HMG20A: variants seen among roughly 807,000 people sequenced by gnomAD.
HMG20A encodes the protein high mobility group protein 20A.
A neutral mutation model predicts 43.9 loss-of-function variants in HMG20A; 17 were observed. The observed-to-expected ratio is 0.39, with a 90% CI of 0.27 to 0.58. The LOEUF (loss-of-function observed/expected upper bound fraction) is 0.58. Among genes scored for constraint, HMG20A ranks in the 20% least tolerant of loss-of-function variants. The pLI, the probability that HMG20A is intolerant of heterozygous loss-of-function variation, is 0.59. For missense variants in HMG20A, 341 were observed against 438.2 expected, an observed-to-expected ratio of 0.78 and a Z score of 1.98; for synonymous variants, 132 against 147.5, an observed-to-expected ratio of 0.89 and a Z score of 0.76.
chr15:77,429,965 CAAGCAACATTATAG>C (rs1484969260), intron 1 of HMG20A, among the ~76,000 whole-genome samples: 3 of 152,178 alleles, frequency 2.0e-5, no homozygotes, highest in Non-Finnish European at 4.4e-5. Context: ...GAACAATACT[CAAGCAACATTATAG>C]AAGCAACAAT....
chr15:77,475,007 A>C (rs1408938938), intron 6 of HMG20A, among the ~76,000 whole-genome samples: 2 of 152,216 alleles, frequency 1.3e-5, no homozygotes, highest in African/African-American at 4.8e-5. Context: ...ACTCTCAAGA[A>C]AGTGTCTATA....
chr15:77,443,379 GATTATTATTATT>G (rs58715798), intron 1 of HMG20A, among the ~76,000 whole-genome samples: 22 of 131,332 alleles, frequency 1.7e-4, no homozygotes, highest in Non-Finnish European at 2.9e-4. Flanking sequence ...TGATGATGAT[GATTATTATTATT>G]ATTATTATTA....
rs1209419992 is a variant in HMG20A at position 77,477,573 on chromosome 15, G to A, written c.634G>A (p.Glu212Lys). ...HDHEKETEVK[E>K]RSVFDIPIFT... is the part of the protein sequence containing the mutation. Reference sequence around the variant, plus strand: ...TTCACAGAAAGAAACAGAGGTAAAGGAACGGTCTGTTTTTGACATCCCTAT... The same window carrying A: ...TTCACAGAAAGAAACAGAGGTAAAGAAACGGTCTGTTTTTGACATCCCTAT... The change falls in exon 7 of 10, where the codon GAA becomes AAA. Residue 212 changes from glutamate to lysine, a missense_variant. Glu to Lys is a moderately conservative substitution (Grantham distance 56). Coordinates refer to ENST00000336216, the MANE Select transcript of HMG20A (RefSeq NM_001304504.2). The A allele has an allele frequency of 1.2e-6, 2 of 1,611,404 alleles. No homozygotes were observed. Among genetic ancestry groups the A allele is most frequent in the South Asian group, 2.2e-5 (2 of 90,914 alleles).
chr15:77,474,456 A>T (rs181379061), intron 6 of HMG20A, among the ~76,000 whole-genome samples: 1 of 152,358 alleles, frequency 6.6e-6, no homozygotes, highest in African/African-American at 2.4e-5. Context: ...TTAGAGGCAG[A>T]ATTGTGACAG....
intron 9 of HMG20A, among the ~76,000 whole-genome samples, chr15:77,481,818 CTG>C (rs1044113520): frequency 3.7e-4 from 56 of 152,180 alleles, no homozygotes; most frequent in African/African-American, 1.4e-3. Flanking sequence ...ATTACAAAGA[CTG>C]TGATTAATAC....
At chr15:77,455,812 C>T (rs919421065) in intron 1 of HMG20A, among the ~76,000 whole-genome samples, 1 of 152,174 alleles carries the variant, frequency 6.6e-6, no homozygotes, top group Non-Finnish European at 1.5e-5. Flanking sequence ...GGCTTGGTAG[C>T]CGTGATTCCT....
chr15:77,433,800 G>A (rs1231419892), intron 1 of HMG20A, among the ~76,000 whole-genome samples: 1 of 152,146 alleles, frequency 6.6e-6, no homozygotes, highest in African/African-American at 2.4e-5. Context: ...GTATTGTAAA[G>A]ATATCATTTC....
At chr15:77,477,066 C>G (rs926890534) in intron 6 of HMG20A, among the ~76,000 whole-genome samples, 19 of 152,150 alleles carry the variant, frequency 1.2e-4, no homozygotes, top group African/African-American at 4.3e-4. Flanking sequence ...AATGGAATAT[C>G]ATAATTATTG....
At chr15:77,476,251 G>A (rs1209853703) in intron 6 of HMG20A, among the ~76,000 whole-genome samples, 2 of 152,146 alleles carry the variant, frequency 1.3e-5, no homozygotes, top group East Asian at 3.9e-4. Context: ...GGAGGCCAAG[G>A]CAGGTGGATC....
At chr15:77,443,815 C>T (rs970934734) in intron 1 of HMG20A, among the ~76,000 whole-genome samples, 1 of 151,964 alleles carries the variant, frequency 6.6e-6, no homozygotes, top group Non-Finnish European at 1.5e-5. Context: ...CAGCAATCTT[C>T]CCACCTCAGC....
At chr15:77,489,369 G>A (rs1365532973), downstream of HMG20A, among the ~76,000 whole-genome samples, 2 of 152,190 alleles carry the variant, frequency 1.3e-5, no homozygotes, top group Admixed American at 1.3e-4. Context: ...TAGAGAAATG[G>A]TTTATATCCA....
In HMG20A at chr15:77,459,229, T is replaced by C. The variant is rs113304500; in HGVS notation, c.89+733T>C. The stretch of plus-strand genomic sequence containing the variant: ...ACATTTATGTCTCACCTCGTTGATA[T>C]CCGCCTTTGACCTCACTACTCAGAT... On this transcript the variant is annotated intron_variant, in intron 2 of 9. Transcript: ENST00000336216. 2.0e-3 allele frequency among the ~76,000 whole-genome samples: 306 copies of C among 152,354 alleles called. 1 individual carries two copies. The highest frequency in any genetic ancestry group is 7.3e-3 in the African/African-American group (303 of 41,588).
At chr15:77,497,655 T>TAGAGAGAGAG in the HMG20A span, among the ~76,000 whole-genome samples, 547 of 127,922 alleles carry the variant, frequency 4.3e-3, 2 homozygotes, top group African/African-American at 8.8e-3. Context: ...GAGATATTAA[T>TAGAGAGAGAG]AGAGAGAGAG....
rs1731953528 is a variant in HMG20A at position 77,420,926 on chromosome 15, A to G, written c.-83A>G. On this transcript the variant is annotated 5_prime_UTR_variant, in exon 1 of 10. Transcript: ENST00000336216. The stretch of plus-strand genomic sequence containing the variant: ...CGAGTGCGTGAAGTGAAGGCGATTG[A>G]GAGGGGCTGAGGGAATTGTCCTCTG... 2 of 398,734 alleles carry G rather than the reference A, an allele frequency of 5.0e-6. No homozygotes were observed. The highest frequency in any genetic ancestry group is 8.8e-6 in the Non-Finnish European group (2 of 226,124). The allele number at this position is 398,734 out of a possible 1,614,324, so 24.7% of individuals were successfully genotyped here.
intron 4 of HMG20A, 30 bp from the exon 5 acceptor site, chr15:77,470,880 C>A (rs755191916): frequency 1.6e-5 from 24 of 1,532,312 alleles, no homozygotes; most frequent in Non-Finnish European, 1.8e-5. Flanking sequence ...ATCTCATTTT[C>A]TTGAAAATAA....
chr15:77,498,208 G>A, the HMG20A span, among the ~76,000 whole-genome samples: 2 of 152,096 alleles, frequency 1.3e-5, no homozygotes, highest in Admixed American at 6.5e-5. Flanking sequence ...CTTCATTACC[G>A]GATCCTCAGC....
At chr15:77,443,378 TG>T (rs879819720) in intron 1 of HMG20A, among the ~76,000 whole-genome samples, 397 of 136,046 alleles carry the variant, frequency 2.9e-3, no homozygotes, top group African/African-American at 7.6e-3. Flanking sequence ...ATGATGATGA[TG>T]ATTATTATTA....
chr15:77,474,914 T>C (rs2072841965), intron 6 of HMG20A, among the ~76,000 whole-genome samples: 1 of 152,042 alleles, frequency 6.6e-6, no homozygotes, highest in Admixed American at 6.6e-5. Context: ...ACTCAATATA[T>C]AGAATGGAAA....
At chr15:77,495,579 C>T in the HMG20A span, among the ~76,000 whole-genome samples, 1 of 152,022 alleles carries the variant, frequency 6.6e-6, no homozygotes, top group Non-Finnish European at 1.5e-5. Flanking sequence ...CAAAAAAAGG[C>T]AGTAAAGTGG....
Sources: gnomAD v4.1 joint callset for allele counts (sites outside exome capture counted in the v4.1 genomes callset) on GRCh38, gnomAD v4.1.1 for gene constraint, MANE v1.5 for transcripts, NCBI Gene and HGNC (gene_info 2026-07-23, HGNC 2026-07-21) for gene names.